Variants in MTRF1 observed in about 807,000 individuals in gnomAD.
The protein encoded by MTRF1 is mitochondrial translation release factor 1.
In MTRF1, 51 loss-of-function variants were observed where a neutral mutation model predicts 62.9. The observed-to-expected ratio is 0.81, with a 90% confidence interval of 0.65 to 1.02. MTRF1 has a LOEUF of 1.02. Among genes scored for constraint, MTRF1 ranks in the 50% least tolerant of loss-of-function variants. The pLI, the probability that MTRF1 is intolerant of heterozygous loss-of-function variation, is 0.00. For synonymous variants in MTRF1, 158 were observed against 181.9 expected (o/e 0.87, Z 1.06); for missense variants, 446 against 530.0 (o/e 0.84, Z 1.56).
At chr13:41,305,988 C>T in the MTRF1 span, among the ~76,000 whole-genome samples, 1 of 152,164 alleles carries the variant, frequency 6.6e-6, no homozygotes, top group East Asian at 1.9e-4. Context: ...AGAGAACATG[C>T]AAACTGGGAG....
chr13:41,255,319 C>T lies in MTRF1; in HGVS notation c.416-699G>A, dbSNP rs1418371608. On this transcript the variant is annotated intron_variant, in intron 2 of 9. Coordinates refer to ENST00000379480, the MANE Select transcript of MTRF1 (RefSeq NM_004294.4). Reference sequence around the variant, plus strand: ...ACAGCCTCAAACTCCTGGACTCAAGCGATCTTCCTGCTTCAGCCTCCCAGG... The same window carrying T: ...ACAGCCTCAAACTCCTGGACTCAAGTGATCTTCCTGCTTCAGCCTCCCAGG... Among the ~76,000 whole-genome samples, 10 of 152,204 alleles carry T rather than the reference C, an allele frequency of 6.6e-5. 1 individual carries two copies. The South Asian group carries it at 1.7e-3, about 25-fold the overall frequency.
At chr13:41,263,284 G>C in intron 1 of MTRF1, 1 of 1,289,322 alleles carries the variant, frequency 7.8e-7, no homozygotes, top group Non-Finnish European at 1.0e-6. Context: ...CCTGAGAACA[G>C]CACGACTTCT....
chr13:41,266,996 C>CA (rs59609555), upstream of MTRF1, among the ~76,000 whole-genome samples: 2,179 of 80,958 alleles, frequency 0.027, 61 homozygotes, highest in African/African-American at 0.048. Context: ...GACTCTGTCT[C>CA]AAAAAAAAAA....
chr13:41,266,720 G>A (rs191405021), upstream of MTRF1, among the ~76,000 whole-genome samples: 130 of 152,100 alleles, frequency 8.5e-4, no homozygotes, highest in Admixed American at 1.8e-3. Context: ...GATGCCGGGC[G>A]CAGTGGCTCA....
the MTRF1 span, chr13:41,311,164 G>C: frequency 8.1e-6 from 3 of 371,116 alleles, no homozygotes; most frequent in East Asian, 1.2e-4. Flanking sequence ...CCACGCGGTT[G>C]GTCCCCGCTA....
At chr13:41,259,709 A>AC (rs2040189498) in intron 2 of MTRF1, among the ~76,000 whole-genome samples, 4 of 43,646 alleles carry the variant, frequency 9.2e-5, no homozygotes, top group Admixed American at 2.9e-4. Context: ...CTCAAAAAAA[A>AC]AAAAAAAAAA....
chr13:41,292,673 A>C, the MTRF1 span, among the ~76,000 whole-genome samples: 10 of 152,036 alleles, frequency 6.6e-5, no homozygotes, highest in Admixed American at 6.6e-4. Flanking sequence ...CTGCTCTAGC[A>C]CTTTGTGAAG....
Position 41,216,592 on chromosome 13 carries a change from CAG to C in MTRF1, c.*521_*522del, listed in dbSNP as rs1415083199. The stretch of plus-strand genomic sequence containing the variant: ...TTGTAGACATGGGGTCTATTTTGCC[CAG>C]GCTGGTCTCAAATTCTTACCTCAAG... On this transcript the variant is annotated 3_prime_UTR_variant, in exon 10 of 10. Coordinates refer to ENST00000379480, the MANE Select transcript of MTRF1 (RefSeq NM_004294.4). 1.3e-5 allele frequency: 2 copies of C among 151,952 alleles called. No individual in the cohort carries two copies. Among genetic ancestry groups the C allele is most frequent in the African/African-American group, 4.8e-5 (2 of 41,380 alleles). The allele number at this position is 151,952 out of a possible 1,614,324, so 9.4% of individuals were successfully genotyped here. A position where few individuals can be genotyped will look rare whatever the true frequency, so the allele number is the denominator to read the frequency against.
At chr13:41,281,952 T>C in the MTRF1 span, among the ~76,000 whole-genome samples, 4 of 151,738 alleles carry the variant, frequency 2.6e-5, no homozygotes, top group Admixed American at 6.6e-5. Context: ...CTGGCTAACA[T>C]GGTGAAACCC....
At chr13:41,297,207 C>A in the MTRF1 span, among the ~76,000 whole-genome samples, 2 of 152,116 alleles carry the variant, frequency 1.3e-5, no homozygotes, top group Non-Finnish European at 2.9e-5. Context: ...ACTGCTGATT[C>A]TTTTTGTATT....
Position 41,246,937 on chromosome 13 carries a change from C to T in MTRF1, c.697+5708G>A, listed in dbSNP as rs561047924. 2.0e-5 allele frequency among the ~76,000 whole-genome samples: 3 copies of T among 152,328 alleles called. No individual in the cohort carries two copies. In the South Asian group the frequency reaches 6.2e-4, roughly 32 times the overall value. On this transcript the variant is annotated intron_variant, in intron 5 of 9. Coordinates refer to ENST00000379480, the MANE Select transcript of MTRF1 (RefSeq NM_004294.4). ...TGTCTGTCCACAGGCAAGTTAGTTC[C>T]ACGCTTTGGTTTCCTTATGTGTAAA...
chr13:41,304,759 C>A, the MTRF1 span, among the ~76,000 whole-genome samples: 1 of 152,118 alleles, frequency 6.6e-6, no homozygotes, highest in African/African-American at 2.4e-5. Context: ...TAGGTTACAG[C>A]TTATTGGTTG....
chr13:41,309,180 C>T, the MTRF1 span, among the ~76,000 whole-genome samples: 1 of 151,840 alleles, frequency 6.6e-6, no homozygotes, highest in Non-Finnish European at 1.5e-5. Flanking sequence ...TGAACATACA[C>T]GTGCATGTGT....
the MTRF1 span, among the ~76,000 whole-genome samples, chr13:41,285,554 C>T: frequency 1.3e-5 from 2 of 152,156 alleles, no homozygotes; most frequent in East Asian, 1.9e-4. Flanking sequence ...CAATAAACTT[C>T]CCATCTTGAT....
the MTRF1 span, among the ~76,000 whole-genome samples, chr13:41,297,602 G>A: frequency 4.0e-5 from 6 of 151,504 alleles, no homozygotes; most frequent in Non-Finnish European, 8.8e-5. Flanking sequence ...CTGAGACCGG[G>A]TCTTGCTTTT....
chr13:41,275,996 A>G, the MTRF1 span, among the ~76,000 whole-genome samples: 1 of 152,188 alleles, frequency 6.6e-6, no homozygotes, highest in African/African-American at 2.4e-5. Flanking sequence ...AGGGACAATA[A>G]TCATTTGCAT....
chr13:41,233,884 G>C lies in MTRF1; in HGVS notation c.988+6C>G. On this transcript the variant is annotated splice_donor_region_variant and intron_variant, in intron 7 of 9. Transcript: ENST00000379480. ...TTAAAAGTACAAAGCCAAGGGGCTTGCTTACCTGTGGGGATGTGGACAAGT... is the reference window on the plus strand; with the variant it reads ...TTAAAAGTACAAAGCCAAGGGGCTTCCTTACCTGTGGGGATGTGGACAAGT... 2.5e-6 allele frequency: 4 copies of C among 1,600,864 alleles called. No individual in the cohort carries two copies. The highest frequency in any genetic ancestry group is 1.3e-5 in the African/African-American group (1 of 74,762).
At chr13:41,224,386 C>T (rs1165332871) in intron 8 of MTRF1, among the ~76,000 whole-genome samples, 1 of 152,160 alleles carries the variant, frequency 6.6e-6, no homozygotes, top group Non-Finnish European at 1.5e-5. Context: ...ATTGCTGTCA[C>T]TTTTTAAAAT....
chr13:41,281,271 A>T, the MTRF1 span, among the ~76,000 whole-genome samples: 1 of 152,208 alleles, frequency 6.6e-6, no homozygotes, highest in African/African-American at 2.4e-5. Context: ...TCACTGTTAG[A>T]CATTATGGGC....
Sources: gnomAD v4.1 joint callset for allele counts (sites outside exome capture counted in the v4.1 genomes callset) on GRCh38, gnomAD v4.1.1 for gene constraint, MANE v1.5 for transcripts, NCBI Gene and HGNC (gene_info 2026-07-23, HGNC 2026-07-21) for gene names.